Variants in FAT3 observed in about 807,000 individuals in gnomAD.
FAT3 encodes the protein FAT atypical cadherin 3, also known as protocadherin Fat 3.
In FAT3, 95 loss-of-function variants were observed where a neutral mutation model predicts 310.2. The observed-to-expected ratio is 0.31, with a 90% CI of 0.26 to 0.36. The LOEUF is 0.36. Ranked by LOEUF, FAT3 falls within the 10% of genes least tolerant of loss-of-function variation. The pLI is 1.00. For synonymous variants in FAT3, 2,314 were observed against 2,192.9 expected (o/e 1.06, Z -1.54); for missense variants, 5,408 against 5,715.6 (o/e 0.95, Z 1.74).
intron 2 of FAT3, among the ~76,000 whole-genome samples, chr11:92,506,401 C>T (rs1380151983): frequency 6.6e-6 from 1 of 152,124 alleles, no homozygotes; most frequent in African/African-American, 2.4e-5. Flanking sequence ...AGGAATACCT[C>T]CACAATACCA....
At chr11:92,403,425 G>A (rs1157698852) in intron 2 of FAT3, 1 of 152,134 alleles carries the variant, frequency 6.6e-6, no homozygotes, top group African/African-American at 2.4e-5. Context: ...ACATTGAGAA[G>A]GCTCCCAGAA....
At chr11:92,662,597 T>G (rs1942823334) in intron 3 of FAT3, among the ~76,000 whole-genome samples, 1 of 152,154 alleles carries the variant, frequency 6.6e-6, no homozygotes, top group Admixed American at 6.5e-5. Flanking sequence ...CATCAAAACC[T>G]CACAATTAAA....
chr11:92,264,399 T>C (rs1179246420), intron 1 of FAT3, among the ~76,000 whole-genome samples: 1 of 152,106 alleles, frequency 6.6e-6, no homozygotes, highest in Non-Finnish European at 1.5e-5. Flanking sequence ...ATAATGTAAG[T>C]GAAATGTGTA....
At chr11:92,400,945 T>C (rs769492180) in intron 2 of FAT3, among the ~76,000 whole-genome samples, 8 of 152,094 alleles carry the variant, frequency 5.3e-5, no homozygotes, top group South Asian at 2.1e-4. Context: ...GGAACAAATA[T>C]AGATTATTAA....
intron 4 of FAT3, among the ~76,000 whole-genome samples, chr11:92,726,090 T>A (rs1449438429): frequency 6.6e-6 from 1 of 152,094 alleles, no homozygotes; most frequent in Non-Finnish European, 1.5e-5. Context: ...TATATTAAAT[T>A]AGGACATGTC....
intron 20 of FAT3, among the ~76,000 whole-genome samples, chr11:92,858,311 C>G (rs1229062845): frequency 6.6e-6 from 1 of 152,186 alleles, no homozygotes; most frequent in Non-Finnish European, 1.5e-5. Context: ...TATGCTGTCT[C>G]CTGTTTCTAC....
intron 3 of FAT3, among the ~76,000 whole-genome samples, chr11:92,608,004 T>G (rs1045035696): frequency 1.3e-5 from 2 of 152,182 alleles, no homozygotes; most frequent in African/African-American, 4.8e-5. Flanking sequence ...TTGAACTTTT[T>G]TTTTTAATCT....
At position 92,583,879 on chromosome 11, in the gene FAT3, G is replaced by A. The variant is rs184892329; in HGVS notation, c.3607+58931G>A. Among the ~76,000 whole-genome samples, 13 of 147,498 alleles carry A rather than the reference G, an allele frequency of 8.8e-5. No homozygotes were observed. In the East Asian group the frequency reaches 9.7e-4, roughly 11 times the overall value. On this transcript the variant is annotated intron_variant, in intron 3 of 27. Transcript: ENST00000525166. ...ATGGTTTCACATAGCGTATTAAAAC[G>A]AGAGAGGGAGCAGATGAAGTATTTG...
At position 92,437,435 on chromosome 11, in the gene FAT3, T is replaced by C. The variant is rs559319652; in HGVS notation, c.3292+82031T>C. 4.7e-4 allele frequency among the ~76,000 whole-genome samples: 71 copies of C among 152,346 alleles called. No individual in the cohort carries two copies. The South Asian group carries it at 0.015, about 32-fold the overall frequency. The stretch of plus-strand genomic sequence containing the variant: ...CCTTGGGCAAGCTATTTAACTTCTC[T>C]AAGCTTATGTGTCCTCATCTGTATT... On this transcript the variant is annotated intron_variant, in intron 2 of 27. Transcript: ENST00000525166.
intron 19 of FAT3, among the ~76,000 whole-genome samples, chr11:92,848,448 C>T (rs933393422): frequency 6.6e-6 from 1 of 152,034 alleles, no homozygotes. Flanking sequence ...TCCTCGAGCC[C>T]GTATAGGAGA....
intron 2 of FAT3, among the ~76,000 whole-genome samples, chr11:92,478,953 T>TTTTCC (rs1555058222): frequency 2.9e-5 from 3 of 103,950 alleles, no homozygotes; most frequent in Non-Finnish European, 5.7e-5. Context: ...TCTTTCTTTC[T>TTTTCC]TTTCTTTTCT....
At chr11:92,614,950 G>T (rs1359301025) in intron 3 of FAT3, among the ~76,000 whole-genome samples, 1 of 152,114 alleles carries the variant, frequency 6.6e-6, no homozygotes, top group Non-Finnish European at 1.5e-5. Flanking sequence ...AGCACTATAT[G>T]TTATGTCTGT....
At chr11:92,284,549 G>A (rs931393500) in intron 1 of FAT3, among the ~76,000 whole-genome samples, 3 of 152,050 alleles carry the variant, frequency 2.0e-5, no homozygotes, top group Non-Finnish European at 4.4e-5. Flanking sequence ...GATTAGGGTG[G>A]GAAGATAGTC....
chr11:92,370,210 G>A (rs1217495719), intron 2 of FAT3, among the ~76,000 whole-genome samples: 1 of 152,112 alleles, frequency 6.6e-6, no homozygotes, highest in African/African-American at 2.4e-5. Context: ...TATATTAGTA[G>A]CGTATCTTAG....
rs201292799 is a variant in FAT3 at position 92,823,046 on chromosome 11, ACT to A, written c.9482-8573_9482-8572del. Among the ~76,000 whole-genome samples the A allele has an allele frequency of 4.6e-3, 692 of 151,924 alleles. 3 individuals are homozygous for A. The highest frequency in any genetic ancestry group is 0.016 in the African/African-American group (654 of 41,426). ...CTTGACCACCCCTCTCCAACAATCA[ACT>A]CTATACATGCTTGTCTCCTGAGAAA... is the stretch of plus-strand genomic sequence containing the variant. On this transcript the variant is annotated intron_variant, in intron 13 of 27. Transcript: ENST00000525166.
At chr11:92,357,824 G>T (rs1223725831) in intron 2 of FAT3, among the ~76,000 whole-genome samples, 1 of 151,874 alleles carries the variant, frequency 6.6e-6, no homozygotes. Flanking sequence ...ATTTAGAAAA[G>T]ATACGTATCT....
At chr11:92,449,598 C>G (rs1049978027) in intron 2 of FAT3, among the ~76,000 whole-genome samples, 2 of 152,106 alleles carry the variant, frequency 1.3e-5, no homozygotes, top group African/African-American at 4.8e-5. Flanking sequence ...TCATGAAAAT[C>G]AGTGTAGGTT....
intron 3 of FAT3, among the ~76,000 whole-genome samples, chr11:92,657,446 C>T (rs550381009): frequency 7.2e-4 from 109 of 152,308 alleles, no homozygotes; most frequent in Admixed American, 3.5e-3. Flanking sequence ...GTGGGCACAG[C>T]CCCGGACTCT....
intron 7 of FAT3, among the ~76,000 whole-genome samples, chr11:92,787,403 A>G (rs1271305573): frequency 3.9e-5 from 6 of 151,924 alleles, no homozygotes; most frequent in Non-Finnish European, 8.8e-5. Context: ...AATATTTAAA[A>G]AGCAAGTCTA....
Sources: gnomAD v4.1 joint callset for allele counts (sites outside exome capture counted in the v4.1 genomes callset) on GRCh38, gnomAD v4.1.1 for gene constraint, MANE v1.5 for transcripts, NCBI Gene and HGNC (gene_info 2026-07-23, HGNC 2026-07-21) for gene names.